KIF7: variants seen among roughly 807,000 people sequenced by gnomAD.
The protein encoded by KIF7 is kinesin-like protein KIF7.
In KIF7, 104 loss-of-function variants were observed where a neutral mutation model predicts 135.7. The ratio of observed to expected loss-of-function variants is 0.77; its 90% CI spans 0.65 to 0.90. The LOEUF (loss-of-function observed/expected upper bound fraction) is 0.90, where lower values mean the gene tolerates loss of function less well. KIF7 is among the 40% of genes least tolerant of loss of function. The pLI is 0.00. For synonymous variants in KIF7, 883 were observed against 809.4 expected, an observed-to-expected ratio of 1.09 and a Z score of -1.54; for missense variants, 2,005 against 1,839.1, an observed-to-expected ratio of 1.09 and a Z score of -1.65.
At chr15:89,649,429 G>A in intron 3 of KIF7, 62 bp from the exon 4 acceptor site, 3 of 1,430,928 alleles carry the variant, frequency 2.1e-6, no homozygotes, top group Non-Finnish European at 2.8e-6. Flanking sequence ...AGCCAGGAGG[G>A]CAGGCAGAGC....
chr15:89,648,827 C>A, intron 4 of KIF7, 53 bp from the exon 5 acceptor site: 1 of 1,494,966 alleles, frequency 6.7e-7, no homozygotes, highest in Non-Finnish European at 8.9e-7. Flanking sequence ...AGGCCCAGGG[C>A]CAGCGGGCCA....
chr15:89,624,520 G>A (rs144449176), downstream of KIF7: 44 of 1,613,894 alleles, frequency 2.7e-5, no homozygotes, highest in East Asian at 5.1e-4. Context: ...TGATGCCTCC[G>A]CTACTCCTGG....
chr15:89,632,519 G>C lies in KIF7; in HGVS notation c.2895+301C>G, dbSNP rs575573383. Reference sequence around the variant, plus strand: ...TTCTTCTATGCATACATCTGTAACTGTGTCATAAATATCTTGAAGCCCTAC... The same window carrying C: ...TTCTTCTATGCATACATCTGTAACTCTGTCATAAATATCTTGAAGCCCTAC... On this transcript the variant is annotated intron_variant, in intron 14 of 18. Transcript: ENST00000394412. Among the ~76,000 whole-genome samples the C allele has an allele frequency of 6.6e-5, 10 of 152,258 alleles. No individual in the cohort carries two copies. The East Asian group carries it at 1.9e-3, about 29-fold the overall frequency.
At chr15:89,631,177 C>T (rs1206451669) in intron 15 of KIF7, 20 of 373,980 alleles carry the variant, frequency 5.3e-5, no homozygotes, top group Non-Finnish European at 8.0e-5. Flanking sequence ...ACTGAGTATG[C>T]GCCTGACACT....
In KIF7 at chr15:89,628,649, A is replaced by C; in HGVS notation, c.3802T>G (p.Leu1268Val). 1 of 1,613,192 alleles carries C rather than the reference A, an allele frequency of 6.2e-7. No individual in the cohort carries two copies. The highest frequency in any genetic ancestry group is 8.5e-7 in the Non-Finnish European group (1 of 1,179,940). ...GTCAAGGGTAACGGAGCGTGGACCAAGTCCCGCGTCTCCTCCCGGGTGCGG... is the reference window on the plus strand; with the variant it reads ...GTCAAGGGTAACGGAGCGTGGACCACGTCCCGCGTCTCCTCCCGGGTGCGG... ...APRTREETRD[L>V]VHAPLPLTWK... The change falls in exon 19 of 19, where the codon TTG becomes GTG. Residue 1268 changes from leucine to valine, a missense_variant. By Grantham distance (32) the Leu-to-Val change is conservative. Transcript: ENST00000394412.
Position 89,632,815 on chromosome 15 carries a change from C to A in KIF7, c.2895+5G>T, listed in dbSNP as rs745772459. 1.9e-5 allele frequency: 30 copies of A among 1,602,594 alleles called. No individual in the cohort carries two copies. The highest frequency in any genetic ancestry group is 2.5e-5 in the Non-Finnish European group (29 of 1,178,986). ...CTGGCAGGATCTCTCCTGGCAGGGC[C>A]TCACCTGGCTGGATCTCAGGCGCTT... On this transcript the variant is annotated splice_donor_5th_base_variant and intron_variant, in intron 14 of 18. Transcript: ENST00000394412.
At chr15:89,633,055 C>A (rs1461822089) in intron 13 of KIF7, 59 bp from the exon 14 acceptor site, 10 of 1,598,594 alleles carry the variant, frequency 6.3e-6, no homozygotes, top group Non-Finnish European at 8.5e-6. Flanking sequence ...CTGTGTCAGC[C>A]GCCACTCGAG....
chr15:89,659,819 A>G (rs1964240891), upstream of KIF7, among the ~76,000 whole-genome samples: 1 of 152,246 alleles, frequency 6.6e-6, no homozygotes, highest in Non-Finnish European at 1.5e-5. Flanking sequence ...CACACACTTT[A>G]TCATTTAGGA....
intron 11 of KIF7, among the ~76,000 whole-genome samples, chr15:89,635,991 T>C (rs879218370): frequency 6.6e-6 from 1 of 151,974 alleles, no homozygotes; most frequent in African/African-American, 2.4e-5. Flanking sequence ...CGGCAGAAAC[T>C]CTACAAGCCA....
At chr15:89,655,513 C>G (rs1964196180), upstream of KIF7, 3 of 152,134 alleles carry the variant, frequency 2.0e-5, no homozygotes, top group African/African-American at 7.2e-5. Context: ...CCCCCTCACC[C>G]GCAACTCCGC....
intron 15 of KIF7, 59 bp from the exon 16 acceptor site, chr15:89,630,552 G>A (rs1963652033): frequency 5.7e-6 from 8 of 1,407,402 alleles, no homozygotes; most frequent in Admixed American, 2.0e-5. Context: ...TGAAGTCCTG[G>A]GCAGACATGC....
At chr15:89,646,195 TCCCTC>T (rs1209750703) in intron 7 of KIF7, among the ~76,000 whole-genome samples, 169 bp from the exon 8 acceptor site, 2 of 152,098 alleles carry the variant, frequency 1.3e-5, no homozygotes, top group Middle Eastern at 6.8e-3. Flanking sequence ...GAGAGCTTCC[TCCCTC>T]CCCTCCCCTC....
chr15:89,628,678 G>GC lies in KIF7; in HGVS notation c.3772dup (p.Ala1258GlyfsTer28), dbSNP rs770804978. The stretch of plus-strand genomic sequence containing the variant: ...CCGCGTCTCCTCCCGGGTGCGGGGG[G>GC]CCCCCTCAGTGAGGGGGGACAGCCA... On this transcript the variant is annotated frameshift_variant, in exon 19 of 19. Transcript: ENST00000394412. LOFTEE classifies it low-confidence loss of function (END_TRUNC). The GC allele has an allele frequency of 6.2e-7, 1 of 1,612,976 alleles. No homozygotes were observed. Among genetic ancestry groups the GC allele is most frequent in the Non-Finnish European group, 8.5e-7 (1 of 1,179,882 alleles).
intron 6 of KIF7, 83 bp downstream of exon 6, chr15:89,647,513 C>G: frequency 3.2e-6 from 4 of 1,245,844 alleles, no homozygotes; most frequent in Non-Finnish European, 4.7e-6. Flanking sequence ...CCCTAACTCC[C>G]TCCCATCCTG....
chr15:89,624,101 A>G, downstream of KIF7: 1 of 1,613,818 alleles, frequency 6.2e-7, no homozygotes. Flanking sequence ...CCTCAGAATC[A>G]AACACACCAA....
At chr15:89,621,547 C>G in intron 1 of KIF7, 1 of 1,609,588 alleles carries the variant, frequency 6.2e-7, no homozygotes, top group Non-Finnish European at 8.5e-7. Context: ...CTGCAGCTTA[C>G]CAGGTATAAT....
chr15:89,633,804 T>C lies in KIF7; in HGVS notation c.2474A>G (p.Glu825Gly). The change falls in exon 12 of 19, where the codon GAG becomes GGG. Residue 825 changes from glutamate to glycine, a missense_variant. Glu to Gly is a moderately conservative substitution (Grantham distance 98). Coordinates refer to ENST00000394412, the MANE Select transcript of KIF7 (RefSeq NM_198525.3). ...CTGCCGCATGAGCTGCACGTTCCGCTCGAGCTCCTGCAGTCGCTTCTCACT... is the reference window on the plus strand; with the variant it reads ...CTGCCGCATGAGCTGCACGTTCCGCCCGAGCTCCTGCAGTCGCTTCTCACT... ...AQSEKRLQEL[E>G]RNVQLMRQQQ... is the part of the protein sequence containing the mutation. 6.2e-7 allele frequency: 1 copy of C among 1,612,790 alleles called. No individual in the cohort carries two copies. Among genetic ancestry groups the C allele is most frequent in the Non-Finnish European group, 8.5e-7 (1 of 1,180,026 alleles).
chr15:89,646,131 C>T (rs1964009015), intron 7 of KIF7, 105 bp from the exon 8 acceptor site: 4 of 1,428,436 alleles, frequency 2.8e-6, no homozygotes, highest in Non-Finnish European at 3.9e-6. Flanking sequence ...GCCTTACCTT[C>T]GTGATCCAGC....
intron 11 of KIF7, among the ~76,000 whole-genome samples, chr15:89,634,444 C>T (rs552114905): frequency 9.5e-4 from 145 of 152,308 alleles, no homozygotes; most frequent in African/African-American, 3.3e-3. Context: ...GAGTGCCAGA[C>T]AGTGGGCGCA....
Sources: allele counts gnomAD v4.1 joint callset (sites outside exome capture counted in the v4.1 genomes callset), GRCh38; gene constraint gnomAD v4.1.1; transcripts MANE v1.5; gene names NCBI Gene and HGNC (gene_info 2026-07-23, HGNC 2026-07-21).